VRK3: variants seen among roughly 807,000 people sequenced by gnomAD.
VRK3 encodes VRK serine/threonine kinase 3, also known as serine/threonine-protein kinase VRK3.
VRK3 carries 50 observed loss-of-function variants against 60.4 expected under a neutral mutation model. The ratio of observed to expected loss-of-function variants is 0.83; its 90% CI spans 0.66 to 1.05. VRK3 has a LOEUF of 1.05. Among genes scored for constraint, VRK3 ranks in the 50% least tolerant of loss-of-function variants. The pLI is 0.00. For synonymous variants in VRK3, 246 were observed against 227.8 expected (o/e 1.08, Z -0.72); for missense variants, 549 against 585.3 (o/e 0.94, Z 0.64).
At chr19:50,015,507 G>A (rs368109857) in intron 3 of VRK3, among the ~76,000 whole-genome samples, 2 of 151,950 alleles carry the variant, frequency 1.3e-5, no homozygotes, top group South Asian at 2.1e-4. Context: ...TGAGATTTCA[G>A]GATGTTGGCC....
At chr19:49,992,210 C>G (rs888657683) in intron 10 of VRK3, among the ~76,000 whole-genome samples, 1 of 152,144 alleles carries the variant, frequency 6.6e-6, no homozygotes, top group Non-Finnish European at 1.5e-5. Context: ...GAGTTCGAGG[C>G]CAGCCTGACC....
intron 9 of VRK3, among the ~76,000 whole-genome samples, chr19:49,994,171 C>A (rs2076660246): frequency 6.6e-6 from 1 of 152,198 alleles, no homozygotes; most frequent in African/African-American, 2.4e-5. Context: ...TCCAGCGATG[C>A]AAACTGGGCC....
intron 1 of VRK3, among the ~76,000 whole-genome samples, chr19:50,024,181 G>A (rs1455813517): frequency 2.6e-5 from 4 of 152,036 alleles, no homozygotes; most frequent in South Asian, 2.1e-4. Flanking sequence ...CAGGTGATCC[G>A]CCCACCTCGG....
intron 14 of VRK3, 58 bp downstream of exon 14, chr19:49,979,025 G>A: frequency 6.6e-7 from 1 of 1,513,516 alleles, no homozygotes. Context: ...TGGAGCCTGG[G>A]GCAGGGCTCG....
chr19:49,996,400 G>T (rs2076705601), intron 7 of VRK3, among the ~76,000 whole-genome samples: 1 of 151,858 alleles, frequency 6.6e-6, no homozygotes, highest in Non-Finnish European at 1.5e-5. Context: ...TCCTGCTATG[G>T]CCAACTCCAA....
At chr19:49,996,451 A>G (rs10418022) in intron 7 of VRK3, among the ~76,000 whole-genome samples, 7,957 of 152,202 alleles carry the variant, frequency 0.052, 682 homozygotes, top group African/African-American at 0.18. Context: ...TGGGAGAGAT[A>G]TACAGGGGAG....
At chr19:49,986,598 T>G (rs1157596906) in intron 12 of VRK3, 1 of 152,274 alleles carries the variant, frequency 6.6e-6, no homozygotes, top group Non-Finnish European at 1.5e-5. Context: ...CTGTCCATGG[T>G]TGAGAGAAGG....
At chr19:50,014,715 C>G (rs138804218) in intron 3 of VRK3, among the ~76,000 whole-genome samples, 93 of 152,196 alleles carry the variant, frequency 6.1e-4, no homozygotes, top group Middle Eastern at 6.8e-3. Context: ...GGAGGGGCAG[C>G]CAGGAGGCCA....
At chr19:50,021,968 A>G (rs1205025736) in intron 1 of VRK3, among the ~76,000 whole-genome samples, 1 of 151,366 alleles carries the variant, frequency 6.6e-6, no homozygotes, top group Non-Finnish European at 1.5e-5. Context: ...AGGGCCACAA[A>G]CCTCTTAAGC....
rs942602721 is a variant in VRK3, at chr19:49,989,755, T to C, written c.980A>G (p.Tyr327Cys). ...TGGGCAATAGCGGAAGGCGAAGCCA[T>C]AGCCTGCCAAAGTCACCTGTGGACA... is the stretch of plus-strand genomic sequence containing the variant. ...EDQSQVTLAGYGFAFRYCPSG... is the reference protein window; with the variant it reads ...EDQSQVTLAGCGFAFRYCPSG... Residue 327 changes from tyrosine (Y) to cysteine (C), a missense_variant, in exon 11 of 15, where the codon TAT becomes TGT. Tyr to Cys is a radical substitution (Grantham distance 194). Coordinates refer to ENST00000316763, the MANE Select transcript of VRK3 (RefSeq NM_016440.4). The C allele has an allele frequency of 1.9e-6, 3 of 1,612,458 alleles. No individual in the cohort carries two copies. The highest frequency in any genetic ancestry group is 2.2e-5 in the East Asian group (1 of 44,820).
chr19:49,992,417 A>G (rs1306368850), intron 10 of VRK3, among the ~76,000 whole-genome samples: 1 of 152,130 alleles, frequency 6.6e-6, no homozygotes, highest in African/African-American at 2.4e-5. Context: ...AACAAAATCA[A>G]AGACAAAAAA....
chr19:50,022,807 T>G lies in VRK3; in HGVS notation c.-64-2160A>C, dbSNP rs1030948316. On this transcript the variant is annotated intron_variant, in intron 1 of 14. Coordinates refer to ENST00000316763, the MANE Select transcript of VRK3 (RefSeq NM_016440.4). ...AGACTCAGTCTCATAAATAAACAAA[T>G]AAATAAATAAAATGTAAGTCAGACC... is the stretch of plus-strand genomic sequence containing the variant. Among the ~76,000 whole-genome samples the G allele has an allele frequency of 2.0e-5, 3 of 151,496 alleles. No homozygotes were observed. In the South Asian group the frequency reaches 6.3e-4, roughly 32 times the overall value.
chr19:49,980,863 G>A, intron 13 of VRK3, 92 bp downstream of exon 13: 8 of 1,115,638 alleles, frequency 7.2e-6, no homozygotes, highest in Non-Finnish European at 1.0e-5. Flanking sequence ...TAAAAAAAAT[G>A]AAGAGGTGTA....
chr19:49,981,236 G>T, intron 12 of VRK3: 2 of 576,938 alleles, frequency 3.5e-6, no homozygotes, highest in Non-Finnish European at 6.2e-6. Flanking sequence ...CTGGCCACAC[G>T]ATTTTCCCCG....
At chr19:49,982,250 A>G (rs2076436638) in intron 12 of VRK3, 1 of 702,142 alleles carries the variant, frequency 1.4e-6, no homozygotes, top group Non-Finnish European at 2.6e-6. Context: ...ATGCCTGAAC[A>G]AAGCTGATAA....
intron 10 of VRK3, 50 bp from the exon 11 acceptor site, chr19:49,989,821 G>T (rs148292585): frequency 6.6e-7 from 1 of 1,520,094 alleles, no homozygotes; most frequent in African/African-American, 1.4e-5. Flanking sequence ...GAGCGTAGAA[G>T]TCAGAGATTT....
At position 49,994,799 on chromosome 19, in the gene VRK3, C is replaced by A; in HGVS notation, c.870+15G>T. 6.2e-7 allele frequency: 1 copy of A among 1,608,538 alleles called. No individual in the cohort carries two copies. Among genetic ancestry groups the A allele is most frequent in the Non-Finnish European group, 8.5e-7 (1 of 1,176,674 alleles). Reference sequence around the variant, plus strand: ...CCTCCCTGACGCGGCAGCTGAGCAACTTCTGGGTACGCACCAGCCGGCAGG... The same window carrying A: ...CCTCCCTGACGCGGCAGCTGAGCAAATTCTGGGTACGCACCAGCCGGCAGG... On this transcript the variant is annotated intron_variant, in intron 9 of 14. Transcript: ENST00000316763.
intron 5 of VRK3, among the ~76,000 whole-genome samples, chr19:50,002,493 C>T (rs2076823792): frequency 1.3e-5 from 2 of 152,194 alleles, no homozygotes. Flanking sequence ...GGCATAGTAA[C>T]AGTGCCTGTC....
rs1240114938 is a variant in VRK3, at chr19:50,016,065, C to G, written c.98G>C (p.Gly33Ala). 1.9e-6 allele frequency: 3 copies of G among 1,614,212 alleles called. No individual in the cohort carries two copies. The highest frequency in any genetic ancestry group is 3.3e-5 in the Admixed American group (2 of 60,030). Reference protein sequence around the residue: ...GNSLPVEEHVGSQTFVNPHVS... With the variant: ...GNSLPVEEHVASQTFVNPHVS... ...ATGTGGATTGACAAAGGTCTGGGAC[C>G]CTACATGCTCCTCTACAGGCAAAGA... Residue 33 changes from glycine to alanine, a missense_variant, in exon 3 of 15, where the codon GGG becomes GCG. Gly to Ala is a moderately conservative substitution (Grantham distance 60). Coordinates refer to ENST00000316763, the MANE Select transcript of VRK3 (RefSeq NM_016440.4).
Sources: allele counts gnomAD v4.1 joint callset (sites outside exome capture counted in the v4.1 genomes callset), GRCh38; gene constraint gnomAD v4.1.1; transcripts MANE v1.5; gene names NCBI Gene and HGNC (gene_info 2026-07-23, HGNC 2026-07-21).